Variants in ADK observed in about 807,000 individuals in gnomAD.
ADK encodes N6,N6-dimethyladenosine kinase.
A neutral mutation model predicts 44.7 loss-of-function variants in ADK; 24 were observed. The ratio of observed to expected loss-of-function variants is 0.54; its 90% CI spans 0.39 to 0.76. The LOEUF (loss-of-function observed/expected upper bound fraction) is 0.76. ADK is among the 30% of genes least tolerant of loss of function. The probability of loss-of-function intolerance (pLI) is 0.00; values close to 1 mark genes in which losing one functional copy is unlikely to be tolerated. For synonymous variants in ADK, 128 were observed against 142.6 expected (o/e 0.90, Z 0.73); for missense variants, 321 against 425.1 (o/e 0.76, Z 2.15).
chr10:74,216,144 A>C (rs1269136290), intron 2 of ADK, among the ~76,000 whole-genome samples: 1 of 152,130 alleles, frequency 6.6e-6, no homozygotes, highest in Non-Finnish European at 1.5e-5. Context: ...TTTTATGCAT[A>C]AGTTATATTT....
intron 3 of ADK, among the ~76,000 whole-genome samples, chr10:74,270,028 A>G (rs1165399174): frequency 2.0e-5 from 3 of 152,178 alleles, no homozygotes; most frequent in African/African-American, 7.2e-5. Flanking sequence ...AAAAGTGATA[A>G]GAATGTGACA....
chr10:74,383,402 GTC>G (rs1422947583), intron 4 of ADK, among the ~76,000 whole-genome samples: 2 of 151,704 alleles, frequency 1.3e-5, no homozygotes, highest in Non-Finnish European at 2.9e-5. Context: ...CTCTGTCTCT[GTC>G]TCTGTCTCTC....
rs555301737 is a variant in ADK, at chr10:74,287,371, C to G, written c.195-27296C>G. 6.0e-5 allele frequency among the ~76,000 whole-genome samples: 9 copies of G among 150,952 alleles called. 1 individual carries two copies. The highest frequency in any genetic ancestry group is 3.3e-4 in the Admixed American group (5 of 15,170). ...CCCAGCTACTCAGGAGGCTGAGGCA[C>G]GAGAATCACTTGAACCCAGGAGGCG... On this transcript the variant is annotated intron_variant, in intron 3 of 10. Transcript: ENST00000539909.
chr10:74,487,694 G>A (rs1668325496), intron 6 of ADK, among the ~76,000 whole-genome samples: 1 of 151,870 alleles, frequency 6.6e-6, no homozygotes, highest in African/African-American at 2.4e-5. Context: ...TATCAAAACA[G>A]AATATTGTAT....
chr10:74,366,441 T>A (rs1656689255), intron 4 of ADK, among the ~76,000 whole-genome samples: 1 of 152,172 alleles, frequency 6.6e-6, no homozygotes, highest in Non-Finnish European at 1.5e-5. Context: ...TTAAAAAAAA[T>A]ATTTTTTGCT....
chr10:74,374,855 CTT>C (rs1375403457), intron 4 of ADK, among the ~76,000 whole-genome samples: 1 of 152,122 alleles, frequency 6.6e-6, no homozygotes, highest in Admixed American at 6.6e-5. Context: ...GTTATTTACT[CTT>C]TGACCTTTTC....
At chr10:74,283,558 CTCTTATTA>C in intron 3 of ADK, among the ~76,000 whole-genome samples, 1 of 146,516 alleles carries the variant, frequency 6.8e-6, no homozygotes, top group South Asian at 2.3e-4. Context: ...TGCTCACCAA[CTCTTATTA>C]TCCTTTGAAA....
intron 7 of ADK, among the ~76,000 whole-genome samples, chr10:74,551,993 T>C (rs1333562744): frequency 2.9e-5 from 4 of 136,064 alleles, no homozygotes; most frequent in Non-Finnish European, 6.1e-5. Flanking sequence ...ATGTAAATAG[T>C]TGCTATACCA....
At chr10:74,293,398 G>T (rs1044651001) in intron 3 of ADK, among the ~76,000 whole-genome samples, 1 of 151,830 alleles carries the variant, frequency 6.6e-6, no homozygotes, top group African/African-American at 2.4e-5. Context: ...TCAAAATTAG[G>T]GTATCTATTA....
At chr10:74,685,292 A>G (rs187237229) in intron 10 of ADK, among the ~76,000 whole-genome samples, 81 of 152,342 alleles carry the variant, frequency 5.3e-4, no homozygotes, top group Middle Eastern at 3.4e-3. Flanking sequence ...TAAACTTTTT[A>G]TGTCTTCTTG....
intron 9 of ADK, among the ~76,000 whole-genome samples, chr10:74,605,244 T>C (rs1275700983): frequency 1.3e-5 from 2 of 152,172 alleles, no homozygotes; most frequent in African/African-American, 4.8e-5. Flanking sequence ...TTTCTTTCTC[T>C]TGCCTGATTG....
At chr10:74,628,527 C>G (rs1334987856) in intron 9 of ADK, among the ~76,000 whole-genome samples, 1 of 151,418 alleles carries the variant, frequency 6.6e-6, no homozygotes, top group Non-Finnish European at 1.5e-5. Context: ...CTCGTCTCAC[C>G]TGGATTAAGT....
At chr10:74,599,654 C>A (rs954331448) in intron 8 of ADK, among the ~76,000 whole-genome samples, 2 of 152,088 alleles carry the variant, frequency 1.3e-5, no homozygotes, top group Middle Eastern at 3.2e-3. Context: ...GCCTTTAGCT[C>A]AAGGTTAGGT....
intron 3 of ADK, among the ~76,000 whole-genome samples, chr10:74,283,694 T>A (rs1027955182): frequency 1.4e-5 from 2 of 147,234 alleles, no homozygotes; most frequent in African/African-American, 5.0e-5. Context: ...CTTTTTTTTT[T>A]TTTTTTGAGA....
intron 3 of ADK, among the ~76,000 whole-genome samples, chr10:74,302,105 G>GT (rs1840065150): frequency 1.1e-5 from 1 of 88,932 alleles, no homozygotes; most frequent in African/African-American, 5.3e-5. Flanking sequence ...TTTTTTGTTT[G>GT]TTTGTTTTTT....
At chr10:74,242,576 A>G (rs1397384423) in intron 3 of ADK, among the ~76,000 whole-genome samples, 1 of 142,868 alleles carries the variant, frequency 7.0e-6, no homozygotes, top group African/African-American at 2.8e-5. Context: ...GAGAAATTAT[A>G]GGCAAATAGG....
intron 6 of ADK, among the ~76,000 whole-genome samples, chr10:74,404,520 T>C (rs1056136864): frequency 1.3e-5 from 2 of 152,222 alleles, no homozygotes; most frequent in Non-Finnish European, 2.9e-5. Context: ...TTCACCTTCA[T>C]TTTTGAAAGA....
chr10:74,627,538 C>T (rs1853255026), intron 9 of ADK, among the ~76,000 whole-genome samples: 1 of 150,762 alleles, frequency 6.6e-6, no homozygotes, highest in Admixed American at 6.6e-5. Flanking sequence ...TTTAACATTG[C>T]TCTACAGATT....
chr10:74,279,136 G>A (rs1846816973), intron 3 of ADK, among the ~76,000 whole-genome samples: 2 of 151,868 alleles, frequency 1.3e-5, no homozygotes, highest in African/African-American at 2.4e-5. Flanking sequence ...AAAATTAGCC[G>A]GGCGTAGTGG....
Sources: allele counts gnomAD v4.1 joint callset (sites outside exome capture counted in the v4.1 genomes callset), GRCh38; gene constraint gnomAD v4.1.1; transcripts MANE v1.5; gene names NCBI Gene and HGNC (gene_info 2026-07-23, HGNC 2026-07-21).